PCCA: variants seen among roughly 807,000 people sequenced by gnomAD.
The protein encoded by PCCA is propionyl-CoA carboxylase alpha chain, mitochondrial.
A neutral mutation model predicts 101.3 loss-of-function variants in PCCA; 74 were observed. The ratio of observed to expected loss-of-function variants is 0.73; its 90% CI spans 0.61 to 0.89. PCCA has a LOEUF of 0.89. PCCA is among the 40% of genes least tolerant of loss of function. PCCA has a pLI of 0.00. For synonymous variants in PCCA, 294 were observed against 313.6 expected, an observed-to-expected ratio of 0.94 and a Z score of 0.66; for missense variants, 891 against 907.0, an observed-to-expected ratio of 0.98 and a Z score of 0.23.
chr13:100,115,959 A>G (rs1356529705), intron 4 of PCCA, among the ~76,000 whole-genome samples: 1 of 152,204 alleles, frequency 6.6e-6, no homozygotes, highest in African/African-American at 2.4e-5. Context: ...AAGATACTAT[A>G]AGTAAAAGCA....
At chr13:100,262,857 A>G in intron 10 of PCCA, 26 bp downstream of exon 10, 1 of 887,490 alleles carries the variant, frequency 1.1e-6, no homozygotes, top group Non-Finnish European at 1.9e-6. Context: ...ATGCTTTTTC[A>G]TTATTATTTT....
At chr13:100,250,501 T>G (rs541348530) in intron 8 of PCCA, among the ~76,000 whole-genome samples, 5 of 152,234 alleles carry the variant, frequency 3.3e-5, no homozygotes, top group East Asian at 3.9e-4. Flanking sequence ...GTTTGCTTTT[T>G]TCTTATTTAT....
intron 7 of PCCA, among the ~76,000 whole-genome samples, chr13:100,224,899 G>T (rs2060061943): frequency 6.6e-6 from 1 of 152,184 alleles, no homozygotes; most frequent in South Asian, 2.1e-4. Context: ...AGTATGAGGG[G>T]CTGCAGTTAG....
In PCCA at chr13:100,416,512, CTG is replaced by C. The variant is rs143797850; in HGVS notation, c.1747-9097_1747-9096del. Among the ~76,000 whole-genome samples the C allele has an allele frequency of 1.9e-3, 282 of 145,288 alleles. 1 individual carries two copies. Among genetic ancestry groups the C allele is most frequent in the South Asian group, 3.6e-3 (16 of 4,472 alleles). On this transcript the variant is annotated intron_variant, in intron 19 of 23. Transcript: ENST00000376285. ...ATGTTTTTGAACTTGTTTTAAATATCTGTGTGTGTGTGTGTGTGTGTGTGTAT... is the reference window on the plus strand; with the variant it reads ...ATGTTTTTGAACTTGTTTTAAATATCTGTGTGTGTGTGTGTGTGTGTGTAT...
chr13:100,464,444 A>G (rs946551663), intron 21 of PCCA: 1 of 152,196 alleles, frequency 6.6e-6, no homozygotes, highest in Admixed American at 6.5e-5. Context: ...TTGGCAAAGA[A>G]TAGCTCGGTT....
intron 4 of PCCA, among the ~76,000 whole-genome samples, chr13:100,123,089 C>T (rs575392968): frequency 1.3e-5 from 2 of 152,352 alleles, no homozygotes; most frequent in South Asian, 2.1e-4. Flanking sequence ...CAAATTCTCA[C>T]TCTGTCGTCC....
At chr13:100,405,596 C>A (rs1328956484) in intron 19 of PCCA, among the ~76,000 whole-genome samples, 1 of 151,954 alleles carries the variant, frequency 6.6e-6, no homozygotes, top group Non-Finnish European at 1.5e-5. Flanking sequence ...TCTACATAGG[C>A]CTTTTGGATT....
chr13:100,433,889 G>A (rs2079740040), intron 20 of PCCA, among the ~76,000 whole-genome samples: 1 of 152,240 alleles, frequency 6.6e-6, no homozygotes, highest in South Asian at 2.1e-4. Context: ...AAAGTTTTAT[G>A]TGACATGAGA....
intron 8 of PCCA, among the ~76,000 whole-genome samples, chr13:100,246,824 C>T (rs751679331): frequency 3.9e-4 from 59 of 151,184 alleles, no homozygotes; most frequent in Non-Finnish European, 6.0e-4. Context: ...TGTATATTCT[C>T]AAATTATTAT....
intron 21 of PCCA, among the ~76,000 whole-genome samples, chr13:100,461,336 A>C (rs1007710892): frequency 1.3e-5 from 2 of 152,254 alleles, no homozygotes; most frequent in African/African-American, 2.4e-5. Context: ...AAACATCATC[A>C]AAAAGGTCTT....
chr13:100,460,722 A>G (rs1378727363), intron 21 of PCCA, among the ~76,000 whole-genome samples: 1 of 152,212 alleles, frequency 6.6e-6, no homozygotes, highest in African/African-American at 2.4e-5. Context: ...AATGCTATTA[A>G]TATGACCCTT....
intron 12 of PCCA, among the ~76,000 whole-genome samples, chr13:100,290,290 C>A (rs1157327081): frequency 6.6e-6 from 1 of 152,064 alleles, no homozygotes; most frequent in Non-Finnish European, 1.5e-5. Flanking sequence ...TGGTTCACTG[C>A]AGCCTTGACC....
intron 21 of PCCA, among the ~76,000 whole-genome samples, chr13:100,463,155 TA>T: frequency 6.6e-6 from 1 of 152,102 alleles, no homozygotes; most frequent in East Asian, 1.9e-4. Flanking sequence ...CAGATTGGCT[TA>T]TGAGGGTGAT....
At position 100,235,988 on chromosome 13, in the gene PCCA, A is replaced by G. The variant is rs539969353; in HGVS notation, c.637+110A>G. The G allele has an allele frequency of 1.1e-4, 82 of 752,596 alleles. 1 individual carries two copies. The highest frequency in any genetic ancestry group is 9.0e-4 in the African/African-American group (52 of 57,890). The allele number at this position is 752,596 out of a possible 1,614,324, so 46.6% of individuals were successfully genotyped here. ...GAGCAAATAATACTTTAATAGTTTTAGATTTTGATTACTTGTTGCTCTGGA... is the reference window on the plus strand; with the variant it reads ...GAGCAAATAATACTTTAATAGTTTTGGATTTTGATTACTTGTTGCTCTGGA... On this transcript the variant is annotated intron_variant, in intron 8 of 23. Transcript: ENST00000376285.
rs145412042 is a variant in PCCA at position 100,183,523 on chromosome 13, C to T, written c.469-25809C>T. 4.6e-5 allele frequency among the ~76,000 whole-genome samples: 7 copies of T among 152,174 alleles called. No individual in the cohort carries two copies. The East Asian group carries it at 1.2e-3, about 25-fold the overall frequency. On this transcript the variant is annotated intron_variant, in intron 6 of 23. Coordinates refer to ENST00000376285, the MANE Select transcript of PCCA (RefSeq NM_000282.4). ...CTGGCCATCGGGGGAAGTCAGATGA[C>T]GAAGTCATCCATTTTGATGGAGGAG...
At chr13:100,423,007 T>G (rs1290075377) in intron 19 of PCCA, among the ~76,000 whole-genome samples, 1 of 136,920 alleles carries the variant, frequency 7.3e-6, no homozygotes, top group Admixed American at 7.1e-5. Context: ...TTTCTCTGAG[T>G]TTTTTTTTTT....
intron 19 of PCCA, among the ~76,000 whole-genome samples, chr13:100,397,773 A>G (rs916081877): frequency 2.7e-4 from 41 of 152,116 alleles, no homozygotes; most frequent in Non-Finnish European, 5.9e-4. Context: ...TGGTTTTTAT[A>G]AAATAAAAAC....
At chr13:100,306,396 A>G (rs1005568844) in intron 14 of PCCA, among the ~76,000 whole-genome samples, 2 of 152,232 alleles carry the variant, frequency 1.3e-5, no homozygotes, top group Non-Finnish European at 2.9e-5. Flanking sequence ...TTCAGATTCC[A>G]AAACTTCTTT....
intron 2 of PCCA, among the ~76,000 whole-genome samples, chr13:100,111,319 C>G (rs777428460): frequency 6.7e-6 from 1 of 150,194 alleles, no homozygotes; most frequent in East Asian, 2.0e-4. Flanking sequence ...CGTGAGCCAC[C>G]GTGCCCAGCC....
Sources: allele counts gnomAD v4.1 joint callset (sites outside exome capture counted in the v4.1 genomes callset), GRCh38; gene constraint gnomAD v4.1.1; transcripts MANE v1.5; gene names NCBI Gene and HGNC (gene_info 2026-07-23, HGNC 2026-07-21).